The following CNTNAP2 variants were observed in gnomAD, a reference collection of about 807,000 sequenced individuals.
CNTNAP2 encodes contactin associated protein 2, also known as contactin-associated protein-like 2.
Under a neutral mutation model 155.2 loss-of-function variants are expected in CNTNAP2, and 98 were observed. That is an observed-to-expected ratio of 0.63 (90% confidence interval 0.54 to 0.75). CNTNAP2 has a LOEUF of 0.75. Among genes scored for constraint, CNTNAP2 ranks in the 30% least tolerant of loss-of-function variants. CNTNAP2 has a pLI of 0.00. For synonymous variants in CNTNAP2, 651 were observed against 631.2 expected, an observed-to-expected ratio of 1.03 and a Z score of -0.47; for missense variants, 1,727 against 1,688.1, an observed-to-expected ratio of 1.02 and a Z score of -0.40.
chr7:146,762,726 G>A (rs929966366), intron 1 of CNTNAP2, among the ~76,000 whole-genome samples: 1 of 152,174 alleles, frequency 6.6e-6, no homozygotes, highest in Non-Finnish European at 1.5e-5. Context: ...GTTCCACGTG[G>A]CTGGGGAGGC....
chr7:147,665,855 C>T (rs189232307), intron 13 of CNTNAP2, among the ~76,000 whole-genome samples: 17 of 152,088 alleles, frequency 1.1e-4, no homozygotes, highest in South Asian at 2.1e-4. Context: ...CCACATTTTC[C>T]TTAGTCAGTC....
chr7:147,446,572 C>T (rs184982324), intron 10 of CNTNAP2, among the ~76,000 whole-genome samples: 4 of 152,080 alleles, frequency 2.6e-5, no homozygotes, highest in East Asian at 1.9e-4. Context: ...ACCACGACTG[C>T]GAGAGGACCT....
chr7:146,140,850 T>C (rs1222728523), intron 1 of CNTNAP2, among the ~76,000 whole-genome samples: 1 of 152,054 alleles, frequency 6.6e-6, no homozygotes, highest in Non-Finnish European at 1.5e-5. Flanking sequence ...TTTTCTGGAT[T>C]ATTATGAAGG....
At chr7:148,193,196 T>C (rs1795227550) in intron 18 of CNTNAP2, among the ~76,000 whole-genome samples, 1 of 152,180 alleles carries the variant, frequency 6.6e-6, no homozygotes. Flanking sequence ...AGCCTGACCA[T>C]ACTGCACAGA....
intron 8 of CNTNAP2, among the ~76,000 whole-genome samples, chr7:147,266,271 A>G (rs922829553): frequency 6.6e-6 from 1 of 152,260 alleles, no homozygotes; most frequent in African/African-American, 2.4e-5. Flanking sequence ...TAGAATAACC[A>G]GTTGAGAGAG....
At chr7:146,647,207 C>A (rs557085629) in intron 1 of CNTNAP2, among the ~76,000 whole-genome samples, 2 of 152,180 alleles carry the variant, frequency 1.3e-5, no homozygotes, top group South Asian at 4.1e-4. Context: ...TCCAAATTGG[C>A]TCCCTCGCTG....
At chr7:147,266,431 G>C (rs539426555) in intron 8 of CNTNAP2, among the ~76,000 whole-genome samples, 6 of 152,294 alleles carry the variant, frequency 3.9e-5, no homozygotes, top group African/African-American at 1.4e-4. Flanking sequence ...TGGTGTATCA[G>C]CCTCAGGGAT....
At chr7:146,345,325 G>A (rs1584880240) in intron 1 of CNTNAP2, among the ~76,000 whole-genome samples, 2 of 152,148 alleles carry the variant, frequency 1.3e-5, no homozygotes, top group African/African-American at 4.8e-5. Context: ...GAGGTGAAAG[G>A]AAGAACCCAA....
At chr7:148,347,990 G>T (rs1563052633) in intron 21 of CNTNAP2, among the ~76,000 whole-genome samples, 1 of 152,180 alleles carries the variant, frequency 6.6e-6, no homozygotes, top group African/African-American at 2.4e-5. Flanking sequence ...CTGTGTCTGG[G>T]TGAACTTCAG....
chr7:146,865,721 A>G (rs1795192125), intron 3 of CNTNAP2, among the ~76,000 whole-genome samples: 1 of 152,196 alleles, frequency 6.6e-6, no homozygotes, highest in Non-Finnish European at 1.5e-5. Flanking sequence ...TGGGATAATC[A>G]GCCATTTATT....
intron 9 of CNTNAP2, among the ~76,000 whole-genome samples, chr7:147,355,334 AAGC>A (rs1249107550): frequency 6.6e-6 from 1 of 152,134 alleles, no homozygotes; most frequent in Non-Finnish European, 1.5e-5. Flanking sequence ...CCACAGGAGA[AAGC>A]AGGAAACATC....
At chr7:147,860,453 G>A (rs529990991) in intron 13 of CNTNAP2, among the ~76,000 whole-genome samples, 24 of 151,860 alleles carry the variant, frequency 1.6e-4, no homozygotes, top group Non-Finnish European at 7.4e-5. Context: ...AGCCATGTGT[G>A]GTGGTGGGTG....
intron 11 of CNTNAP2, among the ~76,000 whole-genome samples, chr7:147,523,067 C>T (rs1448615562): frequency 1.3e-5 from 2 of 152,174 alleles, no homozygotes; most frequent in African/African-American, 4.8e-5. Flanking sequence ...AGCTGAGTGC[C>T]TGTGGCCTGG....
At chr7:146,837,937 C>T (rs1803649501) in intron 2 of CNTNAP2, among the ~76,000 whole-genome samples, 1 of 152,180 alleles carries the variant, frequency 6.6e-6, no homozygotes, top group Non-Finnish European at 1.5e-5. Context: ...GACTTCAGAA[C>T]TCCCTTTACC....
intron 17 of CNTNAP2, among the ~76,000 whole-genome samples, chr7:148,159,470 C>A (rs1342389602): frequency 6.6e-6 from 1 of 152,140 alleles, no homozygotes; most frequent in Non-Finnish European, 1.5e-5. Context: ...TTGTTAAGAT[C>A]TATTTGAGTA....
intron 9 of CNTNAP2, among the ~76,000 whole-genome samples, chr7:147,375,459 T>C (rs959640128): frequency 6.6e-6 from 1 of 151,972 alleles, no homozygotes; most frequent in Non-Finnish European, 1.5e-5. Flanking sequence ...CTGAATCCAA[T>C]TGAGATTCCC....
At chr7:147,289,407 A>G (rs147644424) in intron 8 of CNTNAP2, among the ~76,000 whole-genome samples, 1 of 152,124 alleles carries the variant, frequency 6.6e-6, no homozygotes, top group African/African-American at 2.4e-5. Flanking sequence ...CAAATACTAA[A>G]AAAAAAACAG....
chr7:147,879,148 A>G (rs1279581645), intron 13 of CNTNAP2, among the ~76,000 whole-genome samples: 1 of 152,188 alleles, frequency 6.6e-6, no homozygotes, highest in Admixed American at 6.5e-5. Context: ...AGTGCTTTCA[A>G]CTTGCAAAGT....
At chr7:147,799,457 T>G (rs1036886216) in intron 13 of CNTNAP2, among the ~76,000 whole-genome samples, 3 of 152,236 alleles carry the variant, frequency 2.0e-5, no homozygotes, top group Middle Eastern at 3.4e-3. Context: ...AACTCCAAAT[T>G]CTGTGTCTCC....
Sources: gnomAD v4.1 joint callset for allele counts (sites outside exome capture counted in the v4.1 genomes callset) on GRCh38, gnomAD v4.1.1 for gene constraint, MANE v1.5 for transcripts, NCBI Gene and HGNC (gene_info 2026-07-23, HGNC 2026-07-21) for gene names.